Variants in SEPTIN9 observed in about 807,000 individuals in gnomAD.
SEPTIN9 encodes septin-9.
In SEPTIN9, 13 loss-of-function variants were observed where a neutral mutation model predicts 56.6. That is an observed-to-expected ratio of 0.23 (90% CI 0.15 to 0.37). The LOEUF is 0.37. Ranked by LOEUF, SEPTIN9 falls within the 10% of genes least tolerant of loss-of-function variation. The probability of loss-of-function intolerance (pLI) is 1.00; values close to 1 mark genes in which losing one functional copy is unlikely to be tolerated. For synonymous variants in SEPTIN9, 332 were observed against 334.1 expected (o/e 0.99, Z 0.07); for missense variants, 650 against 823.1 (o/e 0.79, Z 2.57).
intron 2 of SEPTIN9, among the ~76,000 whole-genome samples, chr17:77,362,618 C>CGAGGCTAAAG (rs2034451306): frequency 6.6e-6 from 1 of 152,144 alleles, no homozygotes; most frequent in Non-Finnish European, 1.5e-5. Context: ...CAGGGGCAGA[C>CGAGGCTAAAG]GAGGCTGAAG....
At chr17:77,484,991 A>G (rs1369880687) in intron 4 of SEPTIN9, among the ~76,000 whole-genome samples, 4 of 1,356 alleles carry the variant, frequency 2.9e-3, no homozygotes, top group Non-Finnish European at 4.3e-3. Flanking sequence ...GGTGATTGTG[A>G]TGGTGGTGAA....
At chr17:77,441,698 CT>C (rs749859879) in intron 3 of SEPTIN9, among the ~76,000 whole-genome samples, 30 of 152,324 alleles carry the variant, frequency 2.0e-4, no homozygotes, top group Non-Finnish European at 3.2e-4. Context: ...GAAGATTTTT[CT>C]TTCCGTTTTT....
At chr17:77,351,382 T>A (rs2034060215) in intron 2 of SEPTIN9, among the ~76,000 whole-genome samples, 1 of 152,092 alleles carries the variant, frequency 6.6e-6, no homozygotes, top group Non-Finnish European at 1.5e-5. Context: ...TTGCTGCTCG[T>A]TGAAGGGAAC....
chr17:77,351,556 C>T (rs902485674), intron 2 of SEPTIN9, among the ~76,000 whole-genome samples: 1 of 152,196 alleles, frequency 6.6e-6, no homozygotes, highest in Non-Finnish European at 1.5e-5. Context: ...AGGTTAGGCC[C>T]TCCTCTGTGT....
chr17:77,392,329 G>C (rs2035568447), intron 2 of SEPTIN9, among the ~76,000 whole-genome samples: 1 of 152,168 alleles, frequency 6.6e-6, no homozygotes, highest in South Asian at 2.1e-4. Flanking sequence ...ATCCATCAGA[G>C]TGGCCTCCTG....
intron 2 of SEPTIN9, among the ~76,000 whole-genome samples, chr17:77,385,457 G>A (rs1023904549): frequency 6.6e-6 from 1 of 152,112 alleles, no homozygotes; most frequent in African/African-American, 2.4e-5. Flanking sequence ...GTCCTCAAGT[G>A]ATCCATCCAT....
chr17:77,356,673 C>CA (rs2034257374), intron 2 of SEPTIN9, among the ~76,000 whole-genome samples: 1 of 42,530 alleles, frequency 2.4e-5, no homozygotes. Flanking sequence ...TTTCCCTCCC[C>CA]CTCCCCTCCC....
At chr17:77,288,900 G>C (rs950134988) in intron 1 of SEPTIN9, among the ~76,000 whole-genome samples, 2 of 152,352 alleles carry the variant, frequency 1.3e-5, no homozygotes, top group Middle Eastern at 3.4e-3. Flanking sequence ...GGCACCGAGG[G>C]GCGGGGAGGA....
chr17:77,396,539 T>C (rs1270417899), intron 2 of SEPTIN9, among the ~76,000 whole-genome samples: 2 of 151,968 alleles, frequency 1.3e-5, no homozygotes, highest in African/African-American at 2.4e-5. Flanking sequence ...TTATGCCGGT[T>C]CCACTGTGAG....
chr17:77,464,555 G>C (rs6501956), intron 3 of SEPTIN9, among the ~76,000 whole-genome samples: 1,667 of 151,908 alleles, frequency 0.011, 31 homozygotes, highest in African/African-American at 0.036. Context: ...AATAATGTTT[G>C]ACCGGTTACC....
intron 3 of SEPTIN9, among the ~76,000 whole-genome samples, chr17:77,478,739 G>A (rs893108886): frequency 6.6e-6 from 1 of 151,308 alleles, no homozygotes; most frequent in Non-Finnish European, 1.5e-5. Flanking sequence ...GGGAGGCAGA[G>A]GTTTCGGTGA....
chr17:77,424,442 G>A (rs1443974948), intron 3 of SEPTIN9, among the ~76,000 whole-genome samples: 1 of 152,232 alleles, frequency 6.6e-6, no homozygotes, highest in East Asian at 1.9e-4. Context: ...ACACCTCCAC[G>A]GCCCACCTGG....
intron 2 of SEPTIN9, among the ~76,000 whole-genome samples, chr17:77,314,784 G>A (rs2032636077): frequency 6.6e-6 from 1 of 152,224 alleles, no homozygotes; most frequent in Non-Finnish European, 1.5e-5. Flanking sequence ...TTTTCTGGAT[G>A]GCTGGACCAG....
At chr17:77,413,762 C>T (rs558220833) in intron 3 of SEPTIN9, among the ~76,000 whole-genome samples, 2 of 151,834 alleles carry the variant, frequency 1.3e-5, no homozygotes, top group South Asian at 4.2e-4. Context: ...TGGAGTTGCC[C>T]AGAGAGCAGC....
Position 77,330,193 on chromosome 17 carries a change from G to A in SEPTIN9, c.76+22996G>A, listed in dbSNP as rs2033295206. On this transcript the variant is annotated intron_variant, in intron 2 of 11. Transcript: ENST00000427177. This position sits in a 1 kb window ranked among gnomAD's most constrained non-coding sequence, Gnocchi z 4.4. ...CTCTGTCCCCTCTGCGTCCTGTGCC[G>A]TGGGTGAGAGAGGGCTTCGGGGGGA... 6.6e-6 allele frequency among the ~76,000 whole-genome samples: 1 copy of A among 152,232 alleles called. No homozygotes were observed. The highest frequency in any genetic ancestry group is 2.1e-4 in the South Asian group (1 of 4,832).
At position 77,486,187 on chromosome 17, in the gene SEPTIN9, C is replaced by T. The variant is rs139038678; in HGVS notation, c.914-1237C>T. Among the ~76,000 whole-genome samples the T allele has an allele frequency of 2.7e-3, 407 of 152,210 alleles. 2 individuals are homozygous for T. Among genetic ancestry groups the T allele is most frequent in the African/African-American group, 9.0e-3 (375 of 41,516 alleles). On this transcript the variant is annotated intron_variant, in intron 4 of 11. Coordinates refer to ENST00000427177, the MANE Select transcript of SEPTIN9 (RefSeq NM_001113491.2). ...CAATGATCCTAGCTCACTGCAGCCT[C>T]GCACTCCTGGGCTTGAGCAATTCTC...
intron 1 of SEPTIN9, among the ~76,000 whole-genome samples, chr17:77,302,614 G>T (rs558769194): frequency 6.6e-6 from 1 of 152,302 alleles, no homozygotes; most frequent in African/African-American, 2.4e-5. Context: ...GGAGGTAGAG[G>T]TTGCAGTGAG....
At chr17:77,363,447 G>A (rs958938216) in intron 2 of SEPTIN9, among the ~76,000 whole-genome samples, 1 of 137,686 alleles carries the variant, frequency 7.3e-6, no homozygotes, top group African/African-American at 2.8e-5. Context: ...GAGTGCAGTG[G>A]TGTAATCTTG....
At position 77,500,504 on chromosome 17, in the gene SEPTIN9, C is replaced by T. The variant is rs763418559; in HGVS notation, c.*1846C>T. ...TCTGTTCCTCAATGGCCTTTTGCTA[C>T]GTGCCTCCCGAGAAATTTGTCTTTT... is the stretch of plus-strand genomic sequence containing the variant. On this transcript the variant is annotated 3_prime_UTR_variant, in exon 12 of 12. Coordinates refer to ENST00000427177, the MANE Select transcript of SEPTIN9 (RefSeq NM_001113491.2). 3.8e-5 allele frequency: 8 copies of T among 213,320 alleles called. No individual in the cohort carries two copies. The highest frequency in any genetic ancestry group is 5.7e-5 in the Non-Finnish European group (6 of 105,262). The allele number at this position is 213,320 out of a possible 1,614,324, so 13.2% of individuals were successfully genotyped here. A position where few individuals can be genotyped will look rare whatever the true frequency, so the allele number is the denominator to read the frequency against.
Sources: allele counts gnomAD v4.1 joint callset (sites outside exome capture counted in the v4.1 genomes callset), GRCh38; gene constraint gnomAD v4.1.1; non-coding constraint Gnocchi (gnomAD v3.1); transcripts MANE v1.5; gene names NCBI Gene and HGNC (gene_info 2026-07-23, HGNC 2026-07-21).